The following DKK2 variants were observed in gnomAD, a reference collection of about 807,000 sequenced individuals.
The protein encoded by DKK2 is dickkopf-related protein 2.
Under a neutral mutation model 28.1 loss-of-function variants are expected in DKK2, and 11 were observed. That is an observed-to-expected ratio of 0.39 (90% CI 0.25 to 0.65). DKK2 has a LOEUF of 0.65. Among genes scored for constraint, DKK2 ranks in the 30% least tolerant of loss-of-function variants. DKK2 has a pLI of 0.47. For missense variants in DKK2, 326 were observed against 335.5 expected, an observed-to-expected ratio of 0.97 and a Z score of 0.22; for synonymous variants, 135 against 126.5, an observed-to-expected ratio of 1.07 and a Z score of -0.45.
intron 1 of DKK2, among the ~76,000 whole-genome samples, chr4:107,003,787 T>C (rs555982012): frequency 6.6e-6 from 1 of 152,320 alleles, no homozygotes; most frequent in East Asian, 1.9e-4. Flanking sequence ...AGGACCTTAT[T>C]AAAATTTAAA....
Position 106,961,565 on chromosome 4 carries a change from GCACACA to G in DKK2, c.223-35622_223-35617del, listed in dbSNP as rs34597899. Among the ~76,000 whole-genome samples the G allele has an allele frequency of 4.9e-3, 663 of 136,290 alleles. 5 individuals carry two copies. The highest frequency in any genetic ancestry group is 0.018 in the African/African-American group (635 of 35,238). The allele number at this position is 136,290 out of a possible 152,430, so 89.4% of individuals were successfully genotyped here. ...TTAAATTTGCAGCCGCCAACAGCCT[GCACACA>G]CACACACACACACACACACACACAC... On this transcript the variant is annotated intron_variant, in intron 1 of 3. Transcript: ENST00000285311.
Position 106,924,128 on chromosome 4 carries a change from T to A in DKK2, c.606A>T (p.Lys202Asn). 6.2e-7 allele frequency: 1 copy of A among 1,613,974 alleles called. No individual in the cohort carries two copies. Among genetic ancestry groups the A allele is most frequent in the Non-Finnish European group, 8.5e-7 (1 of 1,179,916 alleles). ...GFCCARHFWT[K>N]ICKPVLHQGE... ...CCTGATGGAGCACTGGTTTGCAGAT[T>A]TTGGTCCAGAAATGACGAGCACAGC... The change falls in exon 4 of 4, where the codon AAA becomes AAT. Residue 202 changes from lysine to asparagine, a missense_variant. Physicochemically the swap from Lys to Asn is moderately conservative, Grantham distance 94. Transcript: ENST00000285311.
intron 1 of DKK2, among the ~76,000 whole-genome samples, chr4:106,972,410 C>CT (rs1249100028): frequency 7.1e-6 from 1 of 141,262 alleles, no homozygotes; most frequent in Non-Finnish European, 1.5e-5. Flanking sequence ...CCAGGTTTAA[C>CT]AATGAAAATC....
At chr4:106,996,500 T>C (rs887088107) in intron 1 of DKK2, among the ~76,000 whole-genome samples, 2 of 152,148 alleles carry the variant, frequency 1.3e-5, no homozygotes, top group African/African-American at 4.8e-5. Context: ...GGTTTTGAAA[T>C]TGACAAGTCT....
chr4:106,944,641 C>T (rs752344523), intron 1 of DKK2, among the ~76,000 whole-genome samples: 2 of 152,054 alleles, frequency 1.3e-5, no homozygotes, highest in Non-Finnish European at 2.9e-5. Context: ...AATAAGAACT[C>T]TACTTTCTAG....
rs397994875 is a variant in DKK2, at chr4:106,987,866, C to CTT, written c.222+47502_222+47503dup. Among the ~76,000 whole-genome samples, 609 of 137,914 alleles carry CTT rather than the reference C, an allele frequency of 4.4e-3. 6 individuals carry two copies. Among genetic ancestry groups the CTT allele is most frequent in the East Asian group, 0.024 (110 of 4,680 alleles). 90.5% of individuals were successfully genotyped at this position (137,914 alleles called of 152,430 possible). ...CTAACTGACATGATGTTACTCTCTT[C>CTT]TTTTTTTTTTTTTTTTGAGATGGAG... On this transcript the variant is annotated intron_variant, in intron 1 of 3. Transcript: ENST00000285311.
chr4:107,027,790 C>A (rs1307460918), intron 1 of DKK2, among the ~76,000 whole-genome samples: 1 of 132,230 alleles, frequency 7.6e-6, no homozygotes, highest in Non-Finnish European at 1.6e-5. Context: ...CTCGCTCTGT[C>A]GCCCAGGCTA....
intron 1 of DKK2, among the ~76,000 whole-genome samples, chr4:107,024,751 C>G (rs1287495546): frequency 6.6e-6 from 1 of 152,132 alleles, no homozygotes; most frequent in African/African-American, 2.4e-5. Flanking sequence ...GATGAAAAAA[C>G]TAAGGCTTAA....
At chr4:107,004,596 A>C (rs1393066600) in intron 1 of DKK2, among the ~76,000 whole-genome samples, 1 of 152,172 alleles carries the variant, frequency 6.6e-6, no homozygotes, top group Non-Finnish European at 1.5e-5. Flanking sequence ...CAAACAAAAT[A>C]ATTGCCTAAA....
chr4:107,005,280 G>T (rs532814566), intron 1 of DKK2, among the ~76,000 whole-genome samples: 1 of 146,912 alleles, frequency 6.8e-6, no homozygotes, highest in South Asian at 2.2e-4. Flanking sequence ...GGCGGAGCTT[G>T]CAGTGAGCCA....
chr4:107,029,913 ATTTTT>A (rs540180420), intron 1 of DKK2, among the ~76,000 whole-genome samples: 1 of 152,050 alleles, frequency 6.6e-6, no homozygotes, highest in Non-Finnish European at 1.5e-5. Flanking sequence ...GATAAGTAAC[ATTTTT>A]TTAAAAATTG....
At chr4:107,033,191 T>C (rs1723903380) in intron 1 of DKK2, among the ~76,000 whole-genome samples, 1 of 152,228 alleles carries the variant, frequency 6.6e-6, no homozygotes, top group African/African-American at 2.4e-5. Flanking sequence ...CTTGAATATG[T>C]TAACAATTTT....
At chr4:106,990,557 C>A (rs769596584) in intron 1 of DKK2, among the ~76,000 whole-genome samples, 14 of 152,124 alleles carry the variant, frequency 9.2e-5, no homozygotes, top group East Asian at 1.9e-4. Flanking sequence ...AAAATGAAAA[C>A]CCTGATTTGC....
intron 1 of DKK2, among the ~76,000 whole-genome samples, chr4:106,947,324 C>A (rs1377520588): frequency 6.6e-6 from 1 of 152,116 alleles, no homozygotes; most frequent in Non-Finnish European, 1.5e-5. Context: ...GCAGCCTATG[C>A]TCCTCTCTGC....
At chr4:107,014,654 C>T (rs1187319043) in intron 1 of DKK2, among the ~76,000 whole-genome samples, 1 of 151,446 alleles carries the variant, frequency 6.6e-6, no homozygotes, top group Non-Finnish European at 1.5e-5. Context: ...TAAAAGTTAT[C>T]CCCACAAATA....
chr4:106,937,774 A>G (rs1724620252), intron 1 of DKK2, among the ~76,000 whole-genome samples: 2 of 149,724 alleles, frequency 1.3e-5, no homozygotes, highest in Non-Finnish European at 3.0e-5. Flanking sequence ...TATCTCTCAG[A>G]CCACAGTGCA....
At chr4:107,032,789 T>G (rs191870747) in intron 1 of DKK2, among the ~76,000 whole-genome samples, 22 of 152,288 alleles carry the variant, frequency 1.4e-4, no homozygotes, top group Middle Eastern at 3.4e-3. Flanking sequence ...TTTGATTAGT[T>G]GACACATTAA....
chr4:106,990,004 A>G (rs1455064658), intron 1 of DKK2, among the ~76,000 whole-genome samples: 2 of 152,152 alleles, frequency 1.3e-5, no homozygotes, highest in Non-Finnish European at 2.9e-5. Flanking sequence ...TATTAGTAAG[A>G]TGTTTTCTTT....
chr4:106,994,526 A>G lies in DKK2; in HGVS notation c.222+40844T>C, dbSNP rs560190489. ...ACACACACACACACACACATAGGAC[A>G]AGTTCACAATTAAAGTTTATAATAA... On this transcript the variant is annotated intron_variant, in intron 1 of 3. Transcript: ENST00000285311. 4.6e-5 allele frequency among the ~76,000 whole-genome samples: 7 copies of G among 151,704 alleles called. No homozygotes were observed. The East Asian group carries it at 1.4e-3, about 29-fold the overall frequency.
Sources: gnomAD v4.1 joint callset for allele counts (sites outside exome capture counted in the v4.1 genomes callset) on GRCh38, gnomAD v4.1.1 for gene constraint, MANE v1.5 for transcripts, NCBI Gene and HGNC (gene_info 2026-07-23, HGNC 2026-07-21) for gene names.